The following TIAM1 variants were observed in gnomAD, a reference collection of about 807,000 sequenced individuals.
The protein encoded by TIAM1 is TIAM Rac1 associated GEF 1.
TIAM1 carries 65 observed loss-of-function variants against 163.5 expected under a neutral mutation model. That is an observed-to-expected ratio of 0.40 (90% CI 0.33 to 0.49). The LOEUF (loss-of-function observed/expected upper bound fraction) is 0.49, where lower values mean the gene tolerates loss of function less well. TIAM1 is among the 20% of genes least tolerant of loss of function. The pLI is 0.77. For missense variants in TIAM1, 1,789 were observed against 2,044.7 expected, an observed-to-expected ratio of 0.87 and a Z score of 2.41; for synonymous variants, 833 against 810.1, an observed-to-expected ratio of 1.03 and a Z score of -0.48.
chr21:31,198,746 T>C (rs960653622), intron 12 of TIAM1, among the ~76,000 whole-genome samples: 2 of 152,194 alleles, frequency 1.3e-5, no homozygotes, highest in African/African-American at 4.8e-5. Context: ...GCTTTGTGCA[T>C]AATCTTTCCT....
chr21:31,154,204 T>C (rs1434745203), intron 17 of TIAM1, 43 bp downstream of exon 17: 1 of 1,595,358 alleles, frequency 6.3e-7, no homozygotes, highest in Non-Finnish European at 8.6e-7. Context: ...CTTCACTCCT[T>C]TACGAGGCAG....
intron 2 of TIAM1, among the ~76,000 whole-genome samples, chr21:31,351,189 T>A (rs960909030): frequency 1.3e-5 from 2 of 152,208 alleles, no homozygotes; most frequent in African/African-American, 4.8e-5. Context: ...TTTAGGGTCA[T>A]AGACCTCTAT....
chr21:31,424,866 T>C (rs766592019), intron 2 of TIAM1, among the ~76,000 whole-genome samples: 14 of 150,376 alleles, frequency 9.3e-5, no homozygotes, highest in Non-Finnish European at 2.1e-4. Context: ...GCCTGACCAA[T>C]ATGGTAAAAT....
chr21:31,300,329 A>G (rs964667994), intron 2 of TIAM1, among the ~76,000 whole-genome samples: 1 of 152,204 alleles, frequency 6.6e-6, no homozygotes, highest in Non-Finnish European at 1.5e-5. Flanking sequence ...ACCCAGTCTC[A>G]GGTATTTCTT....
At chr21:31,132,240 TCTC>T (rs2146240030) in intron 23 of TIAM1, among the ~76,000 whole-genome samples, 1 of 152,286 alleles carries the variant, frequency 6.6e-6, no homozygotes, top group African/African-American at 2.4e-5. Flanking sequence ...GTCGGTCTTG[TCTC>T]CTCTTTGTGT....
chr21:31,448,254 G>A (rs484894), intron 2 of TIAM1, among the ~76,000 whole-genome samples: 123,881 of 152,140 alleles, frequency 0.81, 50,739 homozygotes, highest in East Asian at 0.91. Flanking sequence ...GAGGAACACT[G>A]GTTACTCCTA....
intron 16 of TIAM1, chr21:31,160,829 A>T: frequency 3.9e-6 from 1 of 258,638 alleles, no homozygotes. Context: ...ACCTGGCTAA[A>T]CAACAAAAGT....
At chr21:31,167,335 G>A (rs985179092) in intron 15 of TIAM1, among the ~76,000 whole-genome samples, 4 of 151,908 alleles carry the variant, frequency 2.6e-5, no homozygotes, top group Non-Finnish European at 5.9e-5. Context: ...CGCCCACCTC[G>A]GCCTCCCAAA....
chr21:31,269,423 T>C (rs986890044), intron 3 of TIAM1, among the ~76,000 whole-genome samples: 2 of 152,128 alleles, frequency 1.3e-5, no homozygotes, highest in Admixed American at 6.5e-5. Context: ...AGCAGGAAGT[T>C]TGAAGCAACT....
At position 31,182,454 on chromosome 21, in the gene TIAM1, C is replaced by T. The variant is rs752904535; in HGVS notation, c.2854G>A (p.Glu952Lys). ...CTGGTGAGAAAGGCGAGGGGGCTCT[C>T]GCCAAGGTCGGCAGGGCCGTCCACT... ...HRVDGPADLGESPLAFLTSNP... is the reference protein window; with the variant it reads ...HRVDGPADLGKSPLAFLTSNP... The change falls in exon 15 of 28, where the codon GAG (glutamate) becomes AAG (lysine). Residue 952 changes from glutamate (E) to lysine (K), a missense_variant. By Grantham distance (56) the Glu-to-Lys change is moderately conservative. This residue lies in a region of TIAM1 where 303 missense variants were observed against 321.3 expected (regional missense o/e 0.94). Transcript: ENST00000541036. 24 of 1,598,138 alleles carry T rather than the reference C, an allele frequency of 1.5e-5. No individual in the cohort carries two copies. The highest frequency in any genetic ancestry group is 2.7e-5 in the African/African-American group (2 of 74,392).
At chr21:31,545,682 T>C (rs56040839) in intron 1 of TIAM1, among the ~76,000 whole-genome samples, 7,844 of 152,274 alleles carry the variant, frequency 0.052, 322 homozygotes, top group Non-Finnish European at 0.077. Flanking sequence ...AATCCCAGCC[T>C]GAAAGGATCC....
chr21:31,191,849 CTGAA>C (rs926520158), intron 13 of TIAM1, among the ~76,000 whole-genome samples: 40 of 152,298 alleles, frequency 2.6e-4, no homozygotes, highest in African/African-American at 9.4e-4. Flanking sequence ...TTCTGAGTCC[CTGAA>C]TCACTCAATC....
At chr21:31,248,223 G>A (rs1271843937) in intron 5 of TIAM1, among the ~76,000 whole-genome samples, 3 of 152,184 alleles carry the variant, frequency 2.0e-5, no homozygotes, top group African/African-American at 7.2e-5. Context: ...AGCTTAAGAA[G>A]AGAGAAAGAA....
chr21:31,547,490 A>G (rs376163008), intron 1 of TIAM1, among the ~76,000 whole-genome samples: 2 of 152,228 alleles, frequency 1.3e-5, no homozygotes, highest in East Asian at 3.8e-4. Flanking sequence ...AGCAGGGGGA[A>G]AAAAGGAAAA....
chr21:31,543,938 C>T (rs190013474), intron 1 of TIAM1, among the ~76,000 whole-genome samples: 1 of 152,338 alleles, frequency 6.6e-6, no homozygotes, highest in African/African-American at 2.4e-5. Flanking sequence ...AGACCCAGCA[C>T]AGTGGCTCAC....
chr21:31,509,332 G>A (rs889961085), intron 1 of TIAM1, among the ~76,000 whole-genome samples: 3 of 152,170 alleles, frequency 2.0e-5, no homozygotes, highest in Non-Finnish European at 4.4e-5. Flanking sequence ...ATGGAAAAAG[G>A]AAGCAGACAT....
intron 1 of TIAM1, among the ~76,000 whole-genome samples, chr21:31,548,553 A>G (rs1008138953): frequency 7.2e-6 from 1 of 139,466 alleles, no homozygotes; most frequent in African/African-American, 2.9e-5. Context: ...CAATGGCACA[A>G]TCTCAGCTCA....
intron 2 of TIAM1, chr21:31,453,112 C>T (rs998685363): frequency 3.3e-5 from 11 of 329,734 alleles, no homozygotes; most frequent in African/African-American, 6.6e-5. Context: ...GGAACCGAGA[C>T]AGTGATGAGG....
At chr21:31,244,444 GC>G (rs1490933344) in intron 6 of TIAM1, among the ~76,000 whole-genome samples, 1 of 152,184 alleles carries the variant, frequency 6.6e-6, no homozygotes, top group African/African-American at 2.4e-5. Context: ...CGAACTGTCA[GC>G]TGGGCGCAGT....
Sources: allele counts gnomAD v4.1 joint callset (sites outside exome capture counted in the v4.1 genomes callset), GRCh38; gene constraint gnomAD v4.1.1; regional missense constraint gnomAD v4.1.1; transcripts MANE v1.5; gene names NCBI Gene and HGNC (gene_info 2026-07-23, HGNC 2026-07-21).